The following SLC12A7 variants were observed in gnomAD, a reference collection of about 807,000 sequenced individuals.
The protein encoded by SLC12A7 is K-Cl cotransporter 4.
SLC12A7 carries 100 observed loss-of-function variants against 120.6 expected under a neutral mutation model. The ratio of observed to expected loss-of-function variants is 0.83; its 90% confidence interval spans 0.71 to 0.98. The LOEUF is 0.98. Ranked by LOEUF, SLC12A7 falls within the 50% of genes least tolerant of loss-of-function variation. The pLI is 0.00. For missense variants in SLC12A7, 1,373 were observed against 1,548.1 expected (o/e 0.89, Z 1.90); for synonymous variants, 760 against 678.0 (o/e 1.12, Z -1.88).
intron 3 of SLC12A7, among the ~76,000 whole-genome samples, chr5:1,089,857 G>A (rs554611464): frequency 5.8e-4 from 88 of 151,876 alleles, no homozygotes; most frequent in African/African-American, 2.0e-3. Flanking sequence ...CACTCGGGAC[G>A]GGCCAGGCTG....
At position 1,099,952 on chromosome 5, in the gene SLC12A7, A is replaced by G. The variant is rs562413597; in HGVS notation, c.125-5704T>C. On this transcript the variant is annotated intron_variant, in intron 1 of 23. Transcript: ENST00000264930. ...GCCCCACTTCGCAACCTGAGGGCGC[A>G]TGACCGTTACTGTTATCACTGAAAA... Among the ~76,000 whole-genome samples the G allele has an allele frequency of 1.7e-3, 253 of 151,936 alleles. 1 individual carries two copies. Among genetic ancestry groups the G allele is most frequent in the African/African-American group, 5.9e-3 (245 of 41,466 alleles).
At chr5:1,149,971 G>C in the SLC12A7 span, among the ~76,000 whole-genome samples, 1 of 151,978 alleles carries the variant, frequency 6.6e-6, no homozygotes, top group African/African-American at 2.4e-5. Flanking sequence ...TGGAGGTTGC[G>C]GTGAGCTGAG....
chr5:1,126,359 G>C, the SLC12A7 span, among the ~76,000 whole-genome samples: 1 of 152,226 alleles, frequency 6.6e-6, no homozygotes, highest in Non-Finnish European at 1.5e-5. Flanking sequence ...AAAGTGCTGG[G>C]ATTACAGGCG....
intron 1 of SLC12A7, among the ~76,000 whole-genome samples, chr5:1,096,967 C>T (rs553562332): frequency 4.6e-5 from 7 of 152,034 alleles, no homozygotes; most frequent in East Asian, 3.9e-4. Flanking sequence ...CTCCCTCCCA[C>T]GCAGCCAACC....
rs1223680803 is a variant in SLC12A7 at position 1,081,593 on chromosome 5, G to T, written c.1281C>A (p.Tyr427Ter). Residue 427 changes from tyrosine to a stop codon, truncating the protein, a stop_gained, in exon 9 of 24, where the codon TAC (tyrosine) becomes TAA (stop). Transcript: ENST00000264930. LOFTEE classifies it high-confidence loss of function. ...AASFTLLVGI[Y>*]FPSVTGIMAG... The stretch of plus-strand genomic sequence containing the variant: ...CGGGCTCACCGGTCACGGAAGGGAA[G>T]TAGATGCCAACCAGCAGGGTGAAGG... The T allele has an allele frequency of 4.4e-6, 7 of 1,603,740 alleles. No individual in the cohort carries two copies. Among genetic ancestry groups the T allele is most frequent in the African/African-American group, 1.3e-5 (1 of 74,938 alleles).
At chr5:1,115,063 G>A (rs556340510), upstream of SLC12A7, among the ~76,000 whole-genome samples, 1 of 152,334 alleles carries the variant, frequency 6.6e-6, no homozygotes, top group South Asian at 2.1e-4. Flanking sequence ...ACACATTGGT[G>A]GGTCTCAGTC....
At chr5:1,141,856 T>G in the SLC12A7 span, among the ~76,000 whole-genome samples, 4 of 152,092 alleles carry the variant, frequency 2.6e-5, no homozygotes, top group Non-Finnish European at 5.9e-5. Context: ...CAGAACAAAA[T>G]GCTTAGTGAG....
chr5:1,095,016 T>TGGGGGCCGGTAGGAGGCGG lies in SLC12A7; in HGVS notation c.125-769_125-768insCCGCCTCCTACCGGCCCCC, dbSNP rs1554021172. 1.4e-3 allele frequency among the ~76,000 whole-genome samples: 104 copies of TGGGGGCCGGTAGGAGGCGG among 75,148 alleles called. 2 individuals carry two copies. Among genetic ancestry groups the TGGGGGCCGGTAGGAGGCGG allele is most frequent in the South Asian group, 3.5e-3 (7 of 1,972 alleles). The allele number at this position is 75,148 out of a possible 152,430, so 49.3% of individuals were successfully genotyped here. A position where few individuals can be genotyped will look rare whatever the true frequency, so the allele number is the denominator to read the frequency against. ...GTTAGAAGATAGGGTCGGTAGGAGG[T>TGGGGGCCGGTAGGAGGCGG]GGGGGCGGTAGGAGGCGGGGGGCCG... On this transcript the variant is annotated intron_variant, in intron 1 of 23. Coordinates refer to ENST00000264930, the MANE Select transcript of SLC12A7 (RefSeq NM_006598.3).
At chr5:1,155,297 G>C in the SLC12A7 span, among the ~76,000 whole-genome samples, 2 of 152,196 alleles carry the variant, frequency 1.3e-5, no homozygotes, top group Non-Finnish European at 2.9e-5. Context: ...GTGGTCCCGA[G>C]AGAGGCAGCC....
chr5:1,097,933 G>C (rs1372083411), intron 1 of SLC12A7, among the ~76,000 whole-genome samples: 3 of 151,808 alleles, frequency 2.0e-5, no homozygotes, highest in Non-Finnish European at 4.4e-5. Context: ...CCACTTGGGA[G>C]TGCCCACAAA....
chr5:1,093,656 C>T lies in SLC12A7; in HGVS notation c.220-1G>A, dbSNP rs753677114. 1.1e-5 allele frequency: 18 copies of T among 1,612,712 alleles called. No individual in the cohort carries two copies. Among genetic ancestry groups the T allele is most frequent in the South Asian group, 2.2e-5 (2 of 91,068 alleles). ...CCATGGGGTTACTGTCCATCTCCTCCTGCGCGGCGTGGACATGGTCACAGG... is the reference window on the plus strand; with the variant it reads ...CCATGGGGTTACTGTCCATCTCCTCTTGCGCGGCGTGGACATGGTCACAGG... On this transcript the variant is annotated splice_acceptor_variant, in intron 2 of 23. Transcript: ENST00000264930. LOFTEE classifies it high-confidence loss of function.
At chr5:1,118,885 C>G in the SLC12A7 span, among the ~76,000 whole-genome samples, 9 of 152,314 alleles carry the variant, frequency 5.9e-5, no homozygotes, top group Middle Eastern at 6.8e-3. Context: ...ACTTCTGGGC[C>G]GGCTGGCGGG....
chr5:1,105,416 C>A (rs1377000139), intron 1 of SLC12A7, among the ~76,000 whole-genome samples: 2 of 152,030 alleles, frequency 1.3e-5, no homozygotes, highest in Admixed American at 6.5e-5. Flanking sequence ...ACCCTCCCCA[C>A]AGGGATGAGG....
chr5:1,113,980 C>G (rs1313257905), upstream of SLC12A7, among the ~76,000 whole-genome samples: 4 of 152,368 alleles, frequency 2.6e-5, no homozygotes, highest in South Asian at 2.1e-4. Flanking sequence ...CACATCCAAG[C>G]TCTGCTTCAC....
the SLC12A7 span, among the ~76,000 whole-genome samples, chr5:1,121,966 A>G: frequency 1.1e-4 from 17 of 152,144 alleles, no homozygotes; most frequent in Non-Finnish European, 5.9e-5. Flanking sequence ...CCAGGCACAC[A>G]CTGCGCTGCA....
intron 22 of SLC12A7, among the ~76,000 whole-genome samples, chr5:1,056,765 G>A (rs1735658360): frequency 6.6e-6 from 1 of 152,148 alleles, no homozygotes; most frequent in African/African-American, 2.4e-5. Flanking sequence ...TCTGACCCCG[G>A]GTGAGAGGTG....
intron 1 of SLC12A7, among the ~76,000 whole-genome samples, 171 bp from the exon 2 acceptor site, chr5:1,094,419 T>C (rs1265758798): frequency 6.6e-6 from 1 of 152,104 alleles, no homozygotes; most frequent in Non-Finnish European, 1.5e-5. Flanking sequence ...ACATCTGTGT[T>C]CCAAAGAAAG....
At chr5:1,138,341 G>A in the SLC12A7 span, among the ~76,000 whole-genome samples, 2 of 152,166 alleles carry the variant, frequency 1.3e-5, 1 homozygote, top group Non-Finnish European at 2.9e-5. Flanking sequence ...ACAGAACACT[G>A]ATTGGTTCAT....
chr5:1,078,667 A>G (rs1447003244), intron 11 of SLC12A7, 34 bp downstream of exon 11: 2 of 1,576,772 alleles, frequency 1.3e-6, no homozygotes, highest in Non-Finnish European at 1.7e-6. Context: ...TGAAGACTAC[A>G]GGCTTTGCAC....
Sources: allele counts gnomAD v4.1 joint callset (sites outside exome capture counted in the v4.1 genomes callset), GRCh38; gene constraint gnomAD v4.1.1; transcripts MANE v1.5; gene names NCBI Gene and HGNC (gene_info 2026-07-23, HGNC 2026-07-21).